The following ZFHX3 variants were observed in gnomAD, a reference collection of about 807,000 sequenced individuals.
The protein encoded by ZFHX3 is zinc finger homeobox 3.
Under a neutral mutation model 279.1 loss-of-function variants are expected in ZFHX3, and 42 were observed. The observed-to-expected ratio is 0.15, with a 90% CI of 0.12 to 0.19. The LOEUF is 0.19. Ranked by LOEUF, ZFHX3 falls within the 10% of genes least tolerant of loss-of-function variation. The probability of loss-of-function intolerance (pLI) is 1.00; values close to 1 mark genes in which losing one functional copy is unlikely to be tolerated. For synonymous variants in ZFHX3, 2,293 were observed against 1,957.8 expected, an observed-to-expected ratio of 1.17 and a Z score of -4.52; for missense variants, 4,981 against 4,754.0, an observed-to-expected ratio of 1.05 and a Z score of -1.40.
intron 3 of ZFHX3, among the ~76,000 whole-genome samples, chr16:73,330,953 G>A (rs961774969): frequency 1.3e-5 from 2 of 152,138 alleles, no homozygotes; most frequent in Non-Finnish European, 2.9e-5. Flanking sequence ...TCATGGACTA[G>A]CTTAGTGATC....
intron 5 of ZFHX3, among the ~76,000 whole-genome samples, chr16:73,145,674 G>T (rs1238192760): frequency 6.6e-6 from 1 of 152,242 alleles, no homozygotes; most frequent in Admixed American, 6.5e-5. Flanking sequence ...AGTCATGGAG[G>T]TGGATTGCGG....
chr16:72,852,563 C>A (rs576125695), intron 4 of ZFHX3, among the ~76,000 whole-genome samples: 1 of 152,288 alleles, frequency 6.6e-6, no homozygotes, highest in South Asian at 2.1e-4. Flanking sequence ...GACAGCTGTG[C>A]AACAATGGAT....
Position 72,798,412 on chromosome 16 carries a change from C to G in ZFHX3, c.4270G>C (p.Val1424Leu). 6.2e-7 allele frequency: 1 copy of G among 1,614,218 alleles called. No homozygotes were observed. Among genetic ancestry groups the G allele is most frequent in the Non-Finnish European group, 8.5e-7 (1 of 1,180,040 alleles). ...CAGCACATGGTGGCAGCTCTGATCA[C>G]ATGGTACTGAGAATGGAGCTGCAAC... ...EKLQLHSQYH[V>L]IRAATMCCLC... is the part of the protein sequence containing the mutation. The change falls in exon 9 of 10, where the codon GTG (valine) becomes CTG (leucine). Residue 1424 changes from valine to leucine, a missense_variant. Coordinates refer to ENST00000268489, the MANE Select transcript of ZFHX3 (RefSeq NM_006885.4).
chr16:73,768,495 C>T (rs532435992), intron 1 of ZFHX3, among the ~76,000 whole-genome samples: 64 of 152,130 alleles, frequency 4.2e-4, no homozygotes, highest in African/African-American at 1.3e-3. Context: ...GACCTGAAAT[C>T]CTATATTCTG....
intron 3 of ZFHX3, among the ~76,000 whole-genome samples, chr16:72,922,115 G>GCT (rs1013360269): frequency 2.6e-5 from 4 of 152,096 alleles, no homozygotes; most frequent in African/African-American, 9.7e-5. Context: ...GCAGACCTTC[G>GCT]CATTTCCACA....
intron 3 of ZFHX3, among the ~76,000 whole-genome samples, chr16:73,425,156 C>T (rs1018727204): frequency 2.0e-5 from 3 of 152,144 alleles, no homozygotes; most frequent in African/African-American, 7.2e-5. Context: ...TGCTTGGCTG[C>T]AGGAAGCACT....
intron 3 of ZFHX3, among the ~76,000 whole-genome samples, chr16:72,944,582 C>CAAAAATA (rs10656498): frequency 0.54 from 81,264 of 151,248 alleles, 23,052 homozygotes; most frequent in East Asian, 0.77. Context: ...ATGTTACATG[C>CAAAAATA]AAAAATAAAA....
At chr16:73,096,204 G>C (rs112970150) in intron 7 of ZFHX3, among the ~76,000 whole-genome samples, 254 of 151,956 alleles carry the variant, frequency 1.7e-3, no homozygotes, top group Middle Eastern at 0.014. Context: ...CCCCGAATTG[G>C]GCTCCTATAA....
At chr16:73,844,821 G>C (rs28504355) in intron 1 of ZFHX3, among the ~76,000 whole-genome samples, 1 of 151,172 alleles carries the variant, frequency 6.6e-6, no homozygotes, top group Non-Finnish European at 1.5e-5. Flanking sequence ...TGGGTAGACA[G>C]ATGGTAGACG....
chr16:72,857,021 G>C (rs1350633404), intron 4 of ZFHX3, among the ~76,000 whole-genome samples: 1 of 152,184 alleles, frequency 6.6e-6, no homozygotes, highest in Non-Finnish European at 1.5e-5. Context: ...CTCCACAGGA[G>C]CTAAATGCAG....
At chr16:72,892,480 AGCT>A (rs2038796258) in intron 3 of ZFHX3, among the ~76,000 whole-genome samples, 1 of 151,362 alleles carries the variant, frequency 6.6e-6, no homozygotes, top group African/African-American at 2.4e-5. Flanking sequence ...GATAAATTTG[AGCT>A]GCTTTTTGTT....
intron 3 of ZFHX3, among the ~76,000 whole-genome samples, chr16:72,936,170 C>T (rs946633502): frequency 2.0e-4 from 31 of 152,236 alleles, no homozygotes; most frequent in African/African-American, 6.0e-4. Context: ...ACCTGGTCCA[C>T]ACAAGCCATC....
At chr16:73,834,756 T>A (rs1961091828) in intron 1 of ZFHX3, among the ~76,000 whole-genome samples, 1 of 152,188 alleles carries the variant, frequency 6.6e-6, no homozygotes, top group African/African-American at 2.4e-5. Context: ...CTGGGCATGG[T>A]GGCGCATGCC....
At chr16:73,571,380 C>A (rs1288384044) in intron 2 of ZFHX3, among the ~76,000 whole-genome samples, 3 of 152,116 alleles carry the variant, frequency 2.0e-5, no homozygotes, top group South Asian at 2.1e-4. Flanking sequence ...AAGTAATAAG[C>A]AAATTCCAGA....
At chr16:73,229,765 A>C (rs2012715379) in intron 5 of ZFHX3, among the ~76,000 whole-genome samples, 1 of 152,238 alleles carries the variant, frequency 6.6e-6, no homozygotes, top group African/African-American at 2.4e-5. Context: ...TAGTGACTTT[A>C]GTTCATAAGA....
intron 1 of ZFHX3, among the ~76,000 whole-genome samples, chr16:73,009,596 T>G (rs1048970928): frequency 2.6e-5 from 4 of 152,180 alleles, no homozygotes; most frequent in African/African-American, 9.7e-5. Flanking sequence ...AGATAAGGTG[T>G]TAGTACCAAA....
chr16:73,184,485 G>T (rs547996977), intron 5 of ZFHX3, among the ~76,000 whole-genome samples: 29 of 152,312 alleles, frequency 1.9e-4, no homozygotes, highest in African/African-American at 6.7e-4. Context: ...TAAGCCAGGA[G>T]GTGCTCTGCC....
chr16:73,752,566 T>C (rs2053770815), intron 1 of ZFHX3, among the ~76,000 whole-genome samples: 1 of 152,162 alleles, frequency 6.6e-6, no homozygotes, highest in African/African-American at 2.4e-5. Context: ...ATGTTTCATC[T>C]TTTGGCAGCT....
chr16:73,112,371 T>A (rs957707602), intron 7 of ZFHX3, among the ~76,000 whole-genome samples: 1 of 151,916 alleles, frequency 6.6e-6, no homozygotes, highest in South Asian at 2.1e-4. Context: ...AGTCCTAGTC[T>A]CATAAATTAA....
Sources: gnomAD v4.1 joint callset for allele counts (sites outside exome capture counted in the v4.1 genomes callset) on GRCh38, gnomAD v4.1.1 for gene constraint, MANE v1.5 for transcripts, NCBI Gene and HGNC (gene_info 2026-07-23, HGNC 2026-07-21) for gene names.